Variants in MYH4 observed in about 807,000 individuals in gnomAD.
MYH4 encodes myosin-4.
A neutral mutation model predicts 229.9 loss-of-function variants in MYH4; 200 were observed. The observed-to-expected ratio is 0.87, with a 90% CI of 0.78 to 0.98. The LOEUF is 0.98. Ranked by LOEUF, MYH4 falls within the 50% of genes least tolerant of loss-of-function variation. The pLI, the probability that MYH4 is intolerant of heterozygous loss-of-function variation, is 0.00. For synonymous variants in MYH4, 761 were observed against 834.6 expected, an observed-to-expected ratio of 0.91 and a Z score of 1.52; for missense variants, 2,148 against 2,332.6, an observed-to-expected ratio of 0.92 and a Z score of 1.63.
chr17:10,463,789 G>C (rs1050765212), intron 7 of MYH4, 146 bp from the exon 8 acceptor site: 1 of 618,364 alleles, frequency 1.6e-6, no homozygotes, highest in African/African-American at 1.8e-5. Flanking sequence ...AAGGTAAATC[G>C]GGAAGGGGAG....
At position 10,462,955 on chromosome 17, in the gene MYH4, G is replaced by A; in HGVS notation, c.918C>T (p.Ile306=). 6.2e-7 allele frequency: 1 copy of A among 1,613,998 alleles called. No individual in the cohort carries two copies. The highest frequency in any genetic ancestry group is 1.1e-5 in the South Asian group (1 of 91,056). ...ATGCGAAGTCATATGGGTTGGTGGT[G>A]ATCAGAAGCATTTCTGAACACATGG... ...KKPELIEMLL[I]TTNPYDFAFV... is the part of the protein sequence containing the mutation. The change falls in exon 11 of 40, where the codon ATC becomes ATT. Residue 306 remains isoleucine, a synonymous_variant. Coordinates refer to ENST00000255381, the MANE Select transcript of MYH4 (RefSeq NM_017533.2).
chr17:10,451,613 A>C (rs1404979500), intron 27 of MYH4, among the ~76,000 whole-genome samples, 161 bp from the exon 28 acceptor site: 1 of 152,230 alleles, frequency 6.6e-6, no homozygotes, highest in Non-Finnish European at 1.5e-5. Context: ...TAATTTGGCT[A>C]AATAATGAAC....
chr17:10,448,700 A>C lies in MYH4; in HGVS notation c.4449T>G (p.Thr1483=). ...AGGCATTCTTCACCTTGAACAGCTC[A>C]GTGCTGAGAGAACGCGACTCCTTCT... ...ASQKESRSLS[T]ELFKVKNAYE... The change falls in exon 32 of 40, where the codon ACT becomes ACG. Residue 1483 remains threonine, a synonymous_variant. Coordinates refer to ENST00000255381, the MANE Select transcript of MYH4 (RefSeq NM_017533.2). 2 of 1,614,180 alleles carry C rather than the reference A, an allele frequency of 1.2e-6. No individual in the cohort carries two copies. The highest frequency in any genetic ancestry group is 1.7e-6 in the Non-Finnish European group (2 of 1,180,026).
chr17:10,447,931 T>C lies in MYH4; in HGVS notation c.4852A>G (p.Ile1618Val). ...EIRSRNDALR[I>V]KKKMEGDLNE... Reference sequence around the variant, plus strand: ...AGATCTCCCTCCATCTTCTTCTTGATCCTCAGAGCATCATTTCTGCTCCTG... The same window carrying C: ...AGATCTCCCTCCATCTTCTTCTTGACCCTCAGAGCATCATTTCTGCTCCTG... The change falls in exon 34 of 40, where the codon ATC (isoleucine) becomes GTC (valine). Residue 1618 changes from isoleucine (I) to valine (V), a missense_variant. Physicochemically the swap from Ile to Val is conservative, Grantham distance 29 (BLOSUM62 3). Transcript: ENST00000255381. 3 of 1,614,010 alleles carry C rather than the reference T, an allele frequency of 1.9e-6. No homozygotes were observed. Among genetic ancestry groups the C allele is most frequent in the African/African-American group, 1.3e-5 (1 of 75,016 alleles).
chr17:10,461,579 G>A (rs923724282), intron 11 of MYH4, among the ~76,000 whole-genome samples: 3 of 152,150 alleles, frequency 2.0e-5, no homozygotes, highest in Admixed American at 6.5e-5. Flanking sequence ...ATGGTTGTGA[G>A]TCTTTCTCCA....
In MYH4 at chr17:10,466,759, T is replaced by C. The variant is rs773766297; in HGVS notation, c.-14A>G. On this transcript the variant is annotated 5_prime_UTR_variant, in exon 3 of 40. Coordinates refer to ENST00000255381, the MANE Select transcript of MYH4 (RefSeq NM_017533.2). ...GTCAGAACTCATGGCTGCAGGTTAT[T>C]GATGGCAGTACTGGACTAGGTATAC... is the stretch of plus-strand genomic sequence containing the variant. The C allele has an allele frequency of 1.5e-5, 25 of 1,614,042 alleles. No individual in the cohort carries two copies. The East Asian group carries it at 2.9e-4, about 19-fold the overall frequency.
intron 15 of MYH4, among the ~76,000 whole-genome samples, chr17:10,458,398 G>A (rs1371441952): frequency 6.6e-6 from 1 of 152,144 alleles, no homozygotes; most frequent in Admixed American, 6.5e-5. Context: ...CTTTTCTGAA[G>A]ACCATAAAGT....
chr17:10,461,826 G>A (rs959091997), intron 11 of MYH4, among the ~76,000 whole-genome samples: 9 of 152,142 alleles, frequency 5.9e-5, no homozygotes, highest in African/African-American at 2.2e-4. Context: ...AGCAGGCAGA[G>A]GAAAATATGT....
In MYH4 at chr17:10,453,658, A is replaced by G. The variant is rs774993820; in HGVS notation, c.2919T>C (p.His973=). 3 of 1,613,986 alleles carry G rather than the reference A, an allele frequency of 1.9e-6. No homozygotes were observed. In the African/African-American group the frequency reaches 4.0e-5, roughly 22 times the overall value. Residue 973 remains histidine, a synonymous_variant, in exon 23 of 40, where the codon CAT becomes CAC. Transcript: ENST00000255381. ...LTLAKVEKEK[H]ATENKVKNLT... is the part of the protein sequence containing the mutation. ...TGATTTGTACCTTGTTCTCTGTGGC[A>G]TGTTTCTCCTTCTCAACCTTGGCCA...
rs2072658362 is a variant in MYH4, at chr17:10,457,748, G to A, written c.1588-19C>T. ...CCATAGGCTAAGAATAGGAAAAAAG[G>A]GATGATAATGATGAGTCCCTCAGAA... On this transcript the variant is annotated intron_variant, in intron 15 of 39. Coordinates refer to ENST00000255381, the MANE Select transcript of MYH4 (RefSeq NM_017533.2). 1 of 1,605,190 alleles carries A rather than the reference G, an allele frequency of 6.2e-7. No individual in the cohort carries two copies. The highest frequency in any genetic ancestry group is 8.5e-7 in the Non-Finnish European group (1 of 1,174,766).
chr17:10,460,330 A>C lies in MYH4; in HGVS notation c.1148-9T>G. On this transcript the variant is annotated splice_polypyrimidine_tract_variant and intron_variant, in intron 12 of 39. Coordinates refer to ENST00000255381, the MANE Select transcript of MYH4 (RefSeq NM_017533.2). ...AGCAGCTTTGTCAGCAACTGTGTGA[A>C]CAAGGTGAGAATGGTGAAACTGACC... is the stretch of plus-strand genomic sequence containing the variant. The C allele has an allele frequency of 6.3e-7, 1 of 1,576,806 alleles. No individual in the cohort carries two copies. Among genetic ancestry groups the C allele is most frequent in the South Asian group, 1.1e-5 (1 of 89,308 alleles).
At position 10,443,474 on chromosome 17, in the gene MYH4, C is replaced by T. The variant is rs767421394; in HGVS notation, c.5721G>A (p.Leu1907=). 3.1e-6 allele frequency: 5 copies of T among 1,613,976 alleles called. No individual in the cohort carries two copies. The African/African-American group carries it at 5.3e-5, about 17-fold the overall frequency. Residue 1907 remains leucine (L), a synonymous_variant, in exon 40 of 40, where the codon CTG becomes CTA. Coordinates refer to ENST00000255381, the MANE Select transcript of MYH4 (RefSeq NM_017533.2). This position sits in a 1 kb window ranked among gnomAD's most constrained non-coding sequence, Gnocchi z 4.6. ...TGTCAGCCCGTTCCTTGGCCTCCTC[C>T]AGCTCGTGCTGGAGCTTGCGGAACT... ...LAKFRKLQHE[L]EEAKERADIA...
At chr17:10,447,244 C>T (rs2072522277) in intron 34 of MYH4, 28 bp from the exon 35 acceptor site, 1 of 1,602,328 alleles carries the variant, frequency 6.2e-7, no homozygotes, top group East Asian at 2.2e-5. Context: ...AAGCCTCTTA[C>T]TCATGCTGCA....
intron 17 of MYH4, 105 bp from the exon 18 acceptor site, chr17:10,456,006 G>A: frequency 4.3e-6 from 6 of 1,388,268 alleles, no homozygotes; most frequent in African/African-American, 1.4e-5. Context: ...GCTGTCTCAA[G>A]GAAAAACAAA....
chr17:10,455,101 T>C, intron 20 of MYH4, 24 bp from the exon 21 acceptor site: 1 of 1,614,106 alleles, frequency 6.2e-7, no homozygotes. Context: ...AAGTTAAATA[T>C]GTTATTTCCA....
intron 39 of MYH4, among the ~76,000 whole-genome samples, chr17:10,444,138 T>G (rs188585823): frequency 2.0e-5 from 3 of 152,212 alleles, no homozygotes; most frequent in Non-Finnish European, 4.4e-5. Flanking sequence ...AAAAGAAACT[T>G]TAAAAAATAG....
chr17:10,459,353 G>T lies in MYH4; in HGVS notation c.1485C>A (p.His495Gln). Residue 495 changes from histidine (H) to glutamine (Q), a missense_variant, in exon 15 of 40, where the codon CAC becomes CAA. Transcript: ENST00000255381. ...ACTCTTCCTGCTCCAGCACGAACAT[G>T]TGGTGGTTGAAAAACTGTTGCAGTT... ...NEKLQQFFNH[H>Q]MFVLEQEEYK... is the part of the protein sequence containing the mutation. 1 of 1,614,156 alleles carries T rather than the reference G, an allele frequency of 6.2e-7. No individual in the cohort carries two copies. Among genetic ancestry groups the T allele is most frequent in the Non-Finnish European group, 8.5e-7 (1 of 1,180,030 alleles).
intron 14 of MYH4, 80 bp downstream of exon 14, chr17:10,459,872 G>T: frequency 6.2e-7 from 1 of 1,606,290 alleles, no homozygotes; most frequent in South Asian, 1.1e-5. Flanking sequence ...TATTTTGTAA[G>T]GTACATTTTG....
chr17:10,465,390 T>C, intron 5 of MYH4, 52 bp downstream of exon 5: 1 of 1,595,930 alleles, frequency 6.3e-7, no homozygotes, highest in Admixed American at 1.7e-5. Flanking sequence ...TTTTCTGATA[T>C]CAGTATACAA....
Sources: allele counts gnomAD v4.1 joint callset (sites outside exome capture counted in the v4.1 genomes callset), GRCh38; gene constraint gnomAD v4.1.1; non-coding constraint Gnocchi (gnomAD v3.1); transcripts MANE v1.5; gene names NCBI Gene and HGNC (gene_info 2026-07-23, HGNC 2026-07-21).